RPS6KC1: variants seen among roughly 807,000 people sequenced by gnomAD.
RPS6KC1 encodes ribosomal protein S6 kinase C1, also known as inactive ribosomal protein S6 kinase delta-1.
RPS6KC1 carries 54 observed loss-of-function variants against 103.8 expected under a neutral mutation model. The observed-to-expected ratio is 0.52, with a 90% CI of 0.42 to 0.65. RPS6KC1 has a LOEUF of 0.65. Ranked by LOEUF, RPS6KC1 falls within the 30% of genes least tolerant of loss-of-function variation. The probability of loss-of-function intolerance (pLI) is 0.00; values close to 1 mark genes in which losing one functional copy is unlikely to be tolerated. For missense variants in RPS6KC1, 1,151 were observed against 1,253.8 expected (o/e 0.92, Z 1.24); for synonymous variants, 439 against 438.7 (o/e 1.00, Z -0.01).
chr1:213,403,539 T>G, the RPS6KC1 span, among the ~76,000 whole-genome samples: 1 of 152,180 alleles, frequency 6.6e-6, no homozygotes, highest in Non-Finnish European at 1.5e-5. Flanking sequence ...TAGACCTTCA[T>G]CAAATTAGAC....
At chr1:213,211,894 A>G (rs1390901743) in intron 8 of RPS6KC1, among the ~76,000 whole-genome samples, 1 of 152,196 alleles carries the variant, frequency 6.6e-6, no homozygotes, top group Non-Finnish European at 1.5e-5. Context: ...TTAGATGGGA[A>G]GTAGAGAAGC....
the RPS6KC1 span, among the ~76,000 whole-genome samples, chr1:213,447,166 C>G: frequency 6.6e-6 from 1 of 151,940 alleles, no homozygotes; most frequent in Non-Finnish European, 1.5e-5. Context: ...CTCCTCAGCT[C>G]AAGCGATCCT....
At chr1:213,858,275 AG>A in the RPS6KC1 span, among the ~76,000 whole-genome samples, 2 of 152,326 alleles carry the variant, frequency 1.3e-5, no homozygotes, top group South Asian at 4.1e-4. Context: ...AGGAAACCAA[AG>A]CTCAAAGAGA....
At chr1:213,110,734 G>A (rs1328975390) in intron 4 of RPS6KC1, among the ~76,000 whole-genome samples, 1 of 152,114 alleles carries the variant, frequency 6.6e-6, no homozygotes, top group Non-Finnish European at 1.5e-5. Context: ...CTCATGGTTT[G>A]CCAGGTATTC....
the RPS6KC1 span, among the ~76,000 whole-genome samples, chr1:213,463,949 T>C: frequency 1.8e-4 from 28 of 152,294 alleles, no homozygotes; most frequent in Admixed American, 3.9e-4. Context: ...TGCGTGTTGA[T>C]TTGGGAGATG....
chr1:213,703,114 T>C, the RPS6KC1 span, among the ~76,000 whole-genome samples: 1 of 152,148 alleles, frequency 6.6e-6, no homozygotes, highest in Non-Finnish European at 1.5e-5. Flanking sequence ...TGTTTTTTGG[T>C]TTGAGGTTAC....
the RPS6KC1 span, among the ~76,000 whole-genome samples, chr1:213,650,987 G>A: frequency 6.6e-6 from 1 of 151,612 alleles, no homozygotes. Context: ...TGTTGGGGGT[G>A]GGGTGGAGGT....
At chr1:213,472,779 G>A in the RPS6KC1 span, among the ~76,000 whole-genome samples, 1 of 152,182 alleles carries the variant, frequency 6.6e-6, no homozygotes, top group Non-Finnish European at 1.5e-5. Context: ...CAATCTAATA[G>A]AGAAAACAGA....
chr1:213,213,362 G>A (rs977070825), intron 8 of RPS6KC1, among the ~76,000 whole-genome samples: 2 of 152,132 alleles, frequency 1.3e-5, no homozygotes, highest in African/African-American at 4.8e-5. Flanking sequence ...AGCGAGTTGA[G>A]TATATTTATG....
At chr1:213,641,724 T>C in the RPS6KC1 span, among the ~76,000 whole-genome samples, 325 of 152,158 alleles carry the variant, frequency 2.1e-3, no homozygotes, top group Admixed American at 4.1e-3. Context: ...AGGGTGTCCA[T>C]TTTGGTCTCC....
At chr1:213,844,130 A>G in the RPS6KC1 span, among the ~76,000 whole-genome samples, 1 of 152,234 alleles carries the variant, frequency 6.6e-6, no homozygotes, top group Non-Finnish European at 1.5e-5. Flanking sequence ...CATGCTGAAC[A>G]ATGCACACAT....
At chr1:213,662,317 G>GAGTGC in the RPS6KC1 span, among the ~76,000 whole-genome samples, 2 of 151,918 alleles carry the variant, frequency 1.3e-5, no homozygotes, top group East Asian at 3.9e-4. Context: ...ACCCAGGCTG[G>GAGTGC]AGTGCAGTGG....
At chr1:213,534,988 T>C in the RPS6KC1 span, among the ~76,000 whole-genome samples, 1 of 152,142 alleles carries the variant, frequency 6.6e-6, no homozygotes, top group Non-Finnish European at 1.5e-5. Context: ...ATATCAACAC[T>C]GAGAAGAGTT....
the RPS6KC1 span, among the ~76,000 whole-genome samples, chr1:213,759,516 C>A: frequency 6.6e-6 from 1 of 152,208 alleles, no homozygotes; most frequent in Non-Finnish European, 1.5e-5. Flanking sequence ...GGCCACGTGC[C>A]ATTATTTCCA....
At chr1:213,134,864 T>G (rs555142624) in intron 6 of RPS6KC1, among the ~76,000 whole-genome samples, 1 of 152,254 alleles carries the variant, frequency 6.6e-6, no homozygotes, top group South Asian at 2.1e-4. Flanking sequence ...AGATTATAAT[T>G]CTGAGAATAG....
chr1:213,086,815 C>T (rs1250097177), intron 3 of RPS6KC1, among the ~76,000 whole-genome samples: 1 of 151,972 alleles, frequency 6.6e-6, no homozygotes, highest in Non-Finnish European at 1.5e-5. Flanking sequence ...ATTTGCAAAC[C>T]TGCATATATA....
At chr1:213,664,195 G>GGGGGT in the RPS6KC1 span, among the ~76,000 whole-genome samples, 1 of 143,116 alleles carries the variant, frequency 7.0e-6, no homozygotes, top group Non-Finnish European at 1.6e-5. Context: ...AAATGAGCGG[G>GGGGGT]GGGGCGGGGT....
chr1:213,151,122 T>G (rs1450488845), intron 6 of RPS6KC1, among the ~76,000 whole-genome samples: 1 of 140,392 alleles, frequency 7.1e-6, no homozygotes, highest in Non-Finnish European at 1.6e-5. Flanking sequence ...GGCGGGGGGC[T>G]GACCCCCCCA....
At chr1:213,601,998 TTTC>T in the RPS6KC1 span, among the ~76,000 whole-genome samples, 6 of 11,350 alleles carry the variant, frequency 5.3e-4, 2 homozygotes, top group Admixed American at 6.5e-3. Context: ...CTTTCTTTCT[TTTC>T]TTTTCTTTTC....
Sources: allele counts gnomAD v4.1 joint callset (sites outside exome capture counted in the v4.1 genomes callset), GRCh38; gene constraint gnomAD v4.1.1; transcripts MANE v1.5; gene names NCBI Gene and HGNC (gene_info 2026-07-23, HGNC 2026-07-21).